The following FANCA variants were observed in gnomAD, a reference collection of about 807,000 sequenced individuals.
FANCA encodes FA complementation group A, also known as Fanconi anemia group A protein.
In FANCA, 236 loss-of-function variants were observed where a neutral mutation model predicts 194.3. The ratio of observed to expected loss-of-function variants is 1.21; its 90% CI spans 1.09 to 1.35. The LOEUF is 1.35. Ranked by LOEUF, FANCA falls within the 40% of genes most tolerant of loss-of-function variation. FANCA has a pLI of 0.00. For missense variants in FANCA, 2,628 were observed against 1,813.9 expected, an observed-to-expected ratio of 1.45 and a Z score of -8.15; for synonymous variants, 1,014 against 715.8, an observed-to-expected ratio of 1.42 and a Z score of -6.65.
At position 89,758,655 on chromosome 16, in the gene FANCA, G is replaced by C; in HGVS notation, c.2903C>G (p.Ser968Trp). 1 of 1,613,962 alleles carries C rather than the reference G, an allele frequency of 6.2e-7. No individual in the cohort carries two copies. Among genetic ancestry groups the C allele is most frequent in the Non-Finnish European group, 8.5e-7 (1 of 1,179,876 alleles). ...GTCTCCGTCACAGCCCCCTGAAGCC[G>C]AGGACTCAGGGAGAAAGTGCTCATG... ...AIHEHFLPES[S>W]ASGGCDGDLQ... is the part of the protein sequence containing the mutation. Residue 968 changes from serine to tryptophan, a missense_variant, in exon 30 of 43, where the codon TCG (serine) becomes TGG (tryptophan). Transcript: ENST00000389301.
intron 35 of FANCA, among the ~76,000 whole-genome samples, chr16:89,745,335 C>A (rs377475379): frequency 6.6e-6 from 1 of 151,956 alleles, no homozygotes; most frequent in African/African-American, 2.4e-5. Context: ...GGACCACACT[C>A]CCCTGAGCTG....
intron 36 of FANCA, chr16:89,744,646 C>G (rs559728997): frequency 1.3e-5 from 5 of 392,888 alleles, no homozygotes; most frequent in Admixed American, 1.1e-4. Context: ...CTCACTCAGA[C>G]GAGACACTGG....
intron 14 of FANCA, among the ~76,000 whole-genome samples, chr16:89,785,950 G>C (rs1026052988): frequency 7.7e-5 from 11 of 142,542 alleles, no homozygotes; most frequent in African/African-American, 2.9e-4. Flanking sequence ...CGCCCACCCA[G>C]GTTTGAACAA....
intron 29 of FANCA, among the ~76,000 whole-genome samples, chr16:89,759,376 C>CCTGAG (rs1380335012): frequency 6.9e-6 from 1 of 144,392 alleles, no homozygotes. Context: ...CCTGAGGGCA[C>CCTGAG]CTGAGCTACT....
At chr16:89,813,927 G>A (rs1250783807) in intron 3 of FANCA, among the ~76,000 whole-genome samples, 1 of 152,128 alleles carries the variant, frequency 6.6e-6, no homozygotes, top group Non-Finnish European at 1.5e-5. Flanking sequence ...GTGTGGCTGA[G>A]CTTGGTTCCT....
intron 7 of FANCA, among the ~76,000 whole-genome samples, chr16:89,804,723 G>C (rs1260096676): frequency 6.6e-6 from 1 of 152,136 alleles, no homozygotes; most frequent in East Asian, 1.9e-4. Flanking sequence ...ACAGTCCCAA[G>C]TTTTTCTCAT....
At chr16:89,759,416 C>G (rs2038874590) in intron 29 of FANCA, among the ~76,000 whole-genome samples, 1 of 149,242 alleles carries the variant, frequency 6.7e-6, no homozygotes, top group Non-Finnish European at 1.5e-5. Flanking sequence ...GATGGTGAAG[C>G]AACCTGCATC....
At position 89,758,424 on chromosome 16, in the gene FANCA, G is replaced by C. The variant is rs544231191; in HGVS notation, c.2981+153C>G. 1.3e-3 allele frequency among the ~76,000 whole-genome samples: 196 copies of C among 152,298 alleles called. 2 individuals carry two copies. Among genetic ancestry groups the C allele is most frequent in the African/African-American group, 4.6e-3 (190 of 41,556 alleles). The stretch of plus-strand genomic sequence containing the variant: ...TCCTGAGTGTGTCTGTGAGGGTGTT[G>C]CCAAAGGAGACTGACATTTGGGTAT... On this transcript the variant is annotated intron_variant, in intron 30 of 42. Transcript: ENST00000389301.
chr16:89,750,820 C>T (rs951587103), intron 31 of FANCA, among the ~76,000 whole-genome samples: 3 of 152,174 alleles, frequency 2.0e-5, no homozygotes, highest in Non-Finnish European at 4.4e-5. Flanking sequence ...GGAGGACACT[C>T]ATGTGCCCTT....
chr16:89,811,818 CCT>C (rs1226889832), intron 3 of FANCA, among the ~76,000 whole-genome samples: 4 of 152,136 alleles, frequency 2.6e-5, no homozygotes, highest in Admixed American at 6.5e-5. Flanking sequence ...GCAACCTCCG[CCT>C]CTCAGGTTCA....
At position 89,752,239 on chromosome 16, in the gene FANCA, A is replaced by G. The variant is rs763475096; in HGVS notation, c.2982-17T>C. 10 of 1,606,172 alleles carry G rather than the reference A, an allele frequency of 6.2e-6. No homozygotes were observed. The highest frequency in any genetic ancestry group is 5.5e-5 in the South Asian group (5 of 90,950). The stretch of plus-strand genomic sequence containing the variant: ...CTCCTTGAGCTGAAATGAAAATACA[A>G]TAAAATCCTCCTCAGTATCGCCTAA... On this transcript the variant is annotated splice_polypyrimidine_tract_variant and intron_variant, in intron 30 of 42. Coordinates refer to ENST00000389301, the MANE Select transcript of FANCA (RefSeq NM_000135.4).
At chr16:89,816,130 C>T (rs2041112176) in intron 1 of FANCA, 144 bp from the exon 2 acceptor site, 1 of 705,906 alleles carries the variant, frequency 1.4e-6, no homozygotes, top group South Asian at 1.5e-5. Flanking sequence ...GGGCGCAGGT[C>T]TCGGGAAACT....
rs777432594 is a variant in FANCA, at chr16:89,803,227, C to T, written c.792+32G>A. On this transcript the variant is annotated intron_variant, in intron 8 of 42. Coordinates refer to ENST00000389301, the MANE Select transcript of FANCA (RefSeq NM_000135.4). ...CACTTGGAATAAGGACGGCTCCTTC[C>T]GCTAAACTCTTCACTTGACTTTTCC... is the stretch of plus-strand genomic sequence containing the variant. 3.1e-5 allele frequency: 49 copies of T among 1,598,480 alleles called. No individual in the cohort carries two copies. In the Admixed American group the frequency reaches 6.0e-4, roughly 20 times the overall value.
intron 22 of FANCA, among the ~76,000 whole-genome samples, chr16:89,772,973 C>T (rs1449754702): frequency 2.0e-5 from 3 of 152,130 alleles, no homozygotes; most frequent in Non-Finnish European, 2.9e-5. Context: ...GCAGGATGAG[C>T]GGGAAAACAG....
chr16:89,744,930 G>GCACACCCCATCTCACCACC (rs1431574734), intron 36 of FANCA, 29 bp downstream of exon 36: 1 of 1,594,696 alleles, frequency 6.3e-7, no homozygotes. Flanking sequence ...ATCTGGGCGG[G>GCACACCCCATCTCACCACC]CACACCCCAT....
Position 89,739,146 on chromosome 16 carries a change from T to G in FANCA, c.4154A>C (p.Glu1385Ala). 1.2e-6 allele frequency: 2 copies of G among 1,614,106 alleles called. No homozygotes were observed. Among genetic ancestry groups the G allele is most frequent in the Non-Finnish European group, 1.7e-6 (2 of 1,180,026 alleles). ...TVSPPAGRSL[E>A]LKGQGNPVEL... ...CCTTGCACCTGCCTGACCCTTGAGC[T>G]CCAGGCTCCTGCCAGCTGGAGGTGA... The change falls in exon 41 of 43, where the codon GAG becomes GCG. Residue 1385 changes from glutamate (E) to alanine (A), a missense_variant. By Grantham distance (107) the Glu-to-Ala change is moderately radical. Coordinates refer to ENST00000389301, the MANE Select transcript of FANCA (RefSeq NM_000135.4).
At position 89,816,035 on chromosome 16, in the gene FANCA, G is replaced by A. The variant is rs547826697; in HGVS notation, c.80-49C>T. 38 of 1,452,708 alleles carry A rather than the reference G, an allele frequency of 2.6e-5. No homozygotes were observed. The South Asian group carries it at 4.1e-4, about 16-fold the overall frequency. The allele number at this position is 1,452,708 out of a possible 1,614,324, so 90.0% of individuals were successfully genotyped here. The stretch of plus-strand genomic sequence containing the variant: ...ACCATCACAGCACAATTCACACACG[G>A]GGTCCCCGGCCCGACGCGCAGGTGG... On this transcript the variant is annotated intron_variant, in intron 1 of 42. Transcript: ENST00000389301.
chr16:89,810,516 C>CA (rs951743833), intron 5 of FANCA, 191 bp downstream of exon 5: 37 of 604,088 alleles, frequency 6.1e-5, no homozygotes, highest in African/African-American at 3.3e-4. Flanking sequence ...TGAATAGGGA[C>CA]AAAAAATGGC....
intron 26 of FANCA, among the ~76,000 whole-genome samples, chr16:89,769,001 G>A (rs1019288675): frequency 6.6e-6 from 1 of 152,168 alleles, no homozygotes; most frequent in Non-Finnish European, 1.5e-5. Context: ...CCGGAGTACC[G>A]AGTGCCTGCT....
Sources: gnomAD v4.1 joint callset for allele counts (sites outside exome capture counted in the v4.1 genomes callset) on GRCh38, gnomAD v4.1.1 for gene constraint, MANE v1.5 for transcripts, NCBI Gene and HGNC (gene_info 2026-07-23, HGNC 2026-07-21) for gene names.